Variants in SMG1 observed in about 807,000 individuals in gnomAD.
The protein encoded by SMG1 is SMG1 nonsense mediated mRNA decay associated PI3K related kinase, also known as serine/threonine-protein kinase SMG1.
In SMG1, 22 loss-of-function variants were observed where a neutral mutation model predicts 419.9. That is an observed-to-expected ratio of 0.05 (90% CI 0.04 to 0.07). SMG1 has a LOEUF of 0.07. Among genes scored for constraint, SMG1 ranks in the 10% least tolerant of loss-of-function variants. The pLI is 1.00. For missense variants in SMG1, 3,185 were observed against 4,342.0 expected (o/e 0.73, Z 7.49); for synonymous variants, 1,538 against 1,553.5 (o/e 0.99, Z 0.23).
Position 18,858,218 on chromosome 16 carries a change from C to A in SMG1, c.4186G>T (p.Ala1396Ser). ...KQHDVRPWMQ[A>S]LRYTMYQNQL... ...TTCTGGTACATAGTATACCTTAATG[C>A]CTGCATCCATGGCCTCACGTCATGC... Residue 1396 changes from alanine (A) to serine (S), a missense_variant, in exon 29 of 63, where the codon GCA becomes TCA. Ala to Ser is a moderately conservative substitution (Grantham distance 99). Coordinates refer to ENST00000446231, the MANE Select transcript of SMG1 (RefSeq NM_015092.5). The A allele has an allele frequency of 1.2e-6, 2 of 1,604,260 alleles. No homozygotes were observed. The highest frequency in any genetic ancestry group is 1.7e-6 in the Non-Finnish European group (2 of 1,174,912).
At chr16:18,916,090 C>CA (rs1567462558) in intron 1 of SMG1, among the ~76,000 whole-genome samples, 52 of 77,740 alleles carry the variant, frequency 6.7e-4, no homozygotes, top group African/African-American at 8.9e-4. Flanking sequence ...AAAAAAAAAA[C>CA]CAGAAAAAAA....
At chr16:18,849,734 G>A (rs2034485690) in intron 35 of SMG1, among the ~76,000 whole-genome samples, 1 of 152,110 alleles carries the variant, frequency 6.6e-6, no homozygotes, top group African/African-American at 2.4e-5. Flanking sequence ...AACTCATTTT[G>A]TATATAAAAA....
chr16:18,872,682 CAG>C (rs915156833), intron 13 of SMG1, 58 bp from the exon 14 acceptor site: 4 of 1,259,546 alleles, frequency 3.2e-6, no homozygotes, highest in African/African-American at 1.5e-5. Context: ...CACAAGCATA[CAG>C]AGTTTATCCT....
chr16:18,846,379 A>G (rs1258459619), intron 38 of SMG1, among the ~76,000 whole-genome samples: 3 of 152,212 alleles, frequency 2.0e-5, no homozygotes, highest in African/African-American at 4.8e-5. Context: ...GAGCTACATC[A>G]AAATTAAAAC....
chr16:18,829,174 T>C (rs1401125599), intron 54 of SMG1, 112 bp downstream of exon 54: 3 of 838,732 alleles, frequency 3.6e-6, no homozygotes, highest in Admixed American at 5.7e-5. Flanking sequence ...ATTGGGTTGC[T>C]GTGAGTTCAG....
In SMG1 at chr16:18,809,431, G is replaced by A. The variant is rs554626023; in HGVS notation, c.*138C>T. The A allele has an allele frequency of 1.6e-5, 11 of 676,324 alleles. No homozygotes were observed. Among genetic ancestry groups the A allele is most frequent in the South Asian group, 8.6e-5 (5 of 58,382 alleles). The allele number at this position is 676,324 out of a possible 1,614,324, so 41.9% of individuals were successfully genotyped here. On this transcript the variant is annotated 3_prime_UTR_variant, in exon 63 of 63. Transcript: ENST00000446231. ...TGCGGGATTCACTTCCTAGTGCACC[G>A]AGATTTCCTAGGTTTCCTCAGAGTA...
At chr16:18,910,232 A>AT (rs34246490) in intron 1 of SMG1, among the ~76,000 whole-genome samples, 5,988 of 136,466 alleles carry the variant, frequency 0.044, 185 homozygotes, top group Non-Finnish European at 0.064. Flanking sequence ...ATGCCCAGCT[A>AT]TTTTTTTTTT....
chr16:18,812,633 T>TATATATACACATATATATACACAC (rs1555483954), intron 60 of SMG1, among the ~76,000 whole-genome samples: 15 of 132,950 alleles, frequency 1.1e-4, no homozygotes, highest in African/African-American at 4.1e-4. Flanking sequence ...TATATACACA[T>TATATATACACATATATATACACAC]ATATATACAC....
At chr16:18,911,653 A>C (rs2037797221) in intron 1 of SMG1, 1 of 151,788 alleles carries the variant, frequency 6.6e-6, no homozygotes, top group South Asian at 2.1e-4. Flanking sequence ...AAAGGCAAAA[A>C]TTACCCCCTC....
intron 11 of SMG1, 156 bp from the exon 12 acceptor site, chr16:18,877,388 G>T (rs2141670735): frequency 2.0e-6 from 1 of 505,344 alleles, no homozygotes; most frequent in East Asian, 3.3e-5. Context: ...CAAAACGACG[G>T]AGACAGTAAA....
At chr16:18,813,091 C>T (rs2031628516) in intron 60 of SMG1, among the ~76,000 whole-genome samples, 1 of 152,086 alleles carries the variant, frequency 6.6e-6, no homozygotes, top group African/African-American at 2.4e-5. Context: ...TGGGTTGGTT[C>T]CAAGTCTTTG....
At chr16:18,914,501 G>A (rs1167325495) in intron 1 of SMG1, among the ~76,000 whole-genome samples, 2 of 151,652 alleles carry the variant, frequency 1.3e-5, no homozygotes, top group African/African-American at 2.4e-5. Flanking sequence ...TGGCCAAGAC[G>A]GTGAAACCCC....
intron 38 of SMG1, among the ~76,000 whole-genome samples, chr16:18,846,405 A>C (rs532802489): frequency 5.9e-5 from 9 of 152,332 alleles, no homozygotes; most frequent in African/African-American, 2.2e-4. Flanking sequence ...TAAATCAAAA[A>C]ATACTATACA....
intron 60 of SMG1, among the ~76,000 whole-genome samples, chr16:18,813,381 ATC>A (rs1489505463): frequency 1.5e-4 from 23 of 152,182 alleles, no homozygotes; most frequent in African/African-American, 5.3e-4. Flanking sequence ...GTGAGATGGT[ATC>A]TCATTGTGGT....
chr16:18,919,179 T>C (rs948415823), intron 1 of SMG1, among the ~76,000 whole-genome samples: 1 of 151,740 alleles, frequency 6.6e-6, no homozygotes, highest in Non-Finnish European at 1.5e-5. Context: ...ATACAAAAAT[T>C]AGCCAGGGGT....
At chr16:18,861,834 T>TACCCCC (rs2035235065) in intron 25 of SMG1, among the ~76,000 whole-genome samples, 1 of 152,162 alleles carries the variant, frequency 6.6e-6, no homozygotes, top group Non-Finnish European at 1.5e-5. Context: ...CCTCTACCCC[T>TACCCCC]ACCCCCAATC....
rs145731689 is a variant in SMG1 at position 18,906,956 on chromosome 16, C to T, written c.93-10000G>A. Reference sequence around the variant, plus strand: ...TTTTGCCCTGCACACAGGTGCCCTGCTGAGGAATGAGGTCGGCTGAGTGAA... The same window carrying T: ...TTTTGCCCTGCACACAGGTGCCCTGTTGAGGAATGAGGTCGGCTGAGTGAA... On this transcript the variant is annotated intron_variant, in intron 1 of 62. Transcript: ENST00000446231. Among the ~76,000 whole-genome samples the T allele has an allele frequency of 3.3e-3, 503 of 152,352 alleles. 4 individuals are homozygous for T. Among genetic ancestry groups the T allele is most frequent in the African/African-American group, 0.012 (480 of 41,572 alleles).
chr16:18,815,602 C>T lies in SMG1; in HGVS notation c.10352G>A (p.Ser3451Asn). Residue 3451 changes from serine (S) to asparagine (N), a missense_variant, in exon 59 of 63, where the codon AGT becomes AAT. Transcript: ENST00000446231. Reference sequence around the variant, plus strand: ...ATATTCACCCAAAAACTGCCTAACACTGTTCTCATAGGGAACATCTTCACC... The same window carrying T: ...ATATTCACCCAAAAACTGCCTAACATTGTTCTCATAGGGAACATCTTCACC... ...ADGEDVPYEN[S>N]VRQFLGEYKS... 6.2e-7 allele frequency: 1 copy of T among 1,614,014 alleles called. No individual in the cohort carries two copies. The highest frequency in any genetic ancestry group is 8.5e-7 in the Non-Finnish European group (1 of 1,179,878).
At position 18,834,366 on chromosome 16, in the gene SMG1, T is replaced by C. The variant is rs1255032358; in HGVS notation, c.8403A>G (p.Gly2801=). The C allele has an allele frequency of 2.5e-6, 4 of 1,613,574 alleles. No homozygotes were observed. Among genetic ancestry groups the C allele is most frequent in the Non-Finnish European group, 3.4e-6 (4 of 1,179,816 alleles). The change falls in exon 50 of 63, where the codon GGA becomes GGG. Residue 2801 remains glycine (G), a synonymous_variant. Coordinates refer to ENST00000446231, the MANE Select transcript of SMG1 (RefSeq NM_015092.5). ...TGCAGAGTTCCTCCAAGAACCAGGC[T>C]CCATCCCGAGAAGTCAGATCAACCA... ...EQLVDLTSRD[G]AWFLEELCSM... is the part of the protein sequence containing the mutation.
Sources: gnomAD v4.1 joint callset for allele counts (sites outside exome capture counted in the v4.1 genomes callset) on GRCh38, gnomAD v4.1.1 for gene constraint, MANE v1.5 for transcripts, NCBI Gene and HGNC (gene_info 2026-07-23, HGNC 2026-07-21) for gene names.